Variants in AGBL1 observed in about 807,000 individuals in gnomAD.
AGBL1 encodes the protein cytosolic carboxypeptidase 4.
A neutral mutation model predicts 118.9 loss-of-function variants in AGBL1; 130 were observed. That is an observed-to-expected ratio of 1.09 (90% CI 0.95 to 1.26). The LOEUF is 1.26. Ranked by LOEUF, AGBL1 falls within the 50% of genes most tolerant of loss-of-function variation. The probability of loss-of-function intolerance (pLI) is 0.00; values close to 1 mark genes in which losing one functional copy is unlikely to be tolerated. For synonymous variants in AGBL1, 555 were observed against 478.9 expected (o/e 1.16, Z -2.08); for missense variants, 1,584 against 1,298.1 (o/e 1.22, Z -3.38).
At chr15:86,441,445 T>C (rs1054965500) in intron 18 of AGBL1, among the ~76,000 whole-genome samples, 3 of 152,200 alleles carry the variant, frequency 2.0e-5, no homozygotes, top group African/African-American at 4.8e-5. Flanking sequence ...AGAGCACACA[T>C]AGTGGACTGC....
At chr15:86,225,223 A>G (rs1202921974) in intron 6 of AGBL1, among the ~76,000 whole-genome samples, 1 of 151,928 alleles carries the variant, frequency 6.6e-6, no homozygotes, top group East Asian at 1.9e-4. Flanking sequence ...ATGGACCCTA[A>G]AGGGGGTATA....
At chr15:86,316,303 A>T (rs1597722690) in intron 17 of AGBL1, among the ~76,000 whole-genome samples, 1 of 152,176 alleles carries the variant, frequency 6.6e-6, no homozygotes, top group East Asian at 1.9e-4. Flanking sequence ...GCCCCAAATG[A>T]TTCCTTAGAA....
At chr15:86,202,210 T>G (rs1481018358) in intron 5 of AGBL1, among the ~76,000 whole-genome samples, 1 of 152,132 alleles carries the variant, frequency 6.6e-6, no homozygotes, top group Non-Finnish European at 1.5e-5. Context: ...GGAGAATCCC[T>G]TGAACCCAGG....
intron 24 of AGBL1, among the ~76,000 whole-genome samples, chr15:87,008,488 T>C (rs1375183190): frequency 6.6e-6 from 1 of 152,180 alleles, no homozygotes; most frequent in Non-Finnish European, 1.5e-5. Flanking sequence ...CTTTCCAGTC[T>C]CAGGGTATGA....
At chr15:86,480,132 T>A (rs1018807226) in intron 18 of AGBL1, among the ~76,000 whole-genome samples, 2 of 152,146 alleles carry the variant, frequency 1.3e-5, no homozygotes, top group Non-Finnish European at 2.9e-5. Flanking sequence ...ATATACCTAA[T>A]GTAAATGACA....
At chr15:86,189,807 T>C (rs1296623511) in intron 5 of AGBL1, among the ~76,000 whole-genome samples, 2 of 152,182 alleles carry the variant, frequency 1.3e-5, no homozygotes, top group Non-Finnish European at 2.9e-5. Flanking sequence ...CGTCTTCCTT[T>C]ATAGCAACAC....
Position 86,805,943 on chromosome 15 carries a change from A to T in AGBL1, c.3159-101144A>T, listed in dbSNP as rs192245599. Among the ~76,000 whole-genome samples the T allele has an allele frequency of 3.9e-5, 6 of 152,234 alleles. No homozygotes were observed. In the East Asian group the frequency reaches 9.7e-4, roughly 25 times the overall value. On this transcript the variant is annotated intron_variant, in intron 22 of 22. Coordinates refer to ENST00000614907, the MANE Select transcript of AGBL1 (RefSeq NM_001386094.1). ...ACAGTTAGAGCTCTGTAACAGCACAAACTCCAGAAAATACTAATGGGGTCT... is the reference window on the plus strand; with the variant it reads ...ACAGTTAGAGCTCTGTAACAGCACATACTCCAGAAAATACTAATGGGGTCT...
chr15:86,394,958 G>A (rs915985556), intron 17 of AGBL1, among the ~76,000 whole-genome samples: 17 of 152,162 alleles, frequency 1.1e-4, no homozygotes, highest in East Asian at 5.8e-4. Flanking sequence ...CAAAAATCAG[G>A]GTCCTGGTAA....
At chr15:86,227,878 C>A (rs923570206) in intron 6 of AGBL1, among the ~76,000 whole-genome samples, 18 of 152,154 alleles carry the variant, frequency 1.2e-4, no homozygotes, top group African/African-American at 3.9e-4. Flanking sequence ...ATGAGGAGGG[C>A]AAATAGATTT....
chr15:86,463,614 G>A (rs1180007222), intron 18 of AGBL1, among the ~76,000 whole-genome samples: 3 of 152,146 alleles, frequency 2.0e-5, no homozygotes, highest in Admixed American at 1.3e-4. Flanking sequence ...GTTAATTTTT[G>A]TATAAGTTGT....
chr15:86,558,893 CA>C (rs2083774772), intron 21 of AGBL1, among the ~76,000 whole-genome samples: 2 of 152,182 alleles, frequency 1.3e-5, no homozygotes, highest in Non-Finnish European at 2.9e-5. Flanking sequence ...CAGAATACCA[CA>C]ACTTGGATGG....
chr15:87,011,386 T>A (rs1482782277), intron 24 of AGBL1, among the ~76,000 whole-genome samples: 2 of 152,176 alleles, frequency 1.3e-5, no homozygotes, highest in Non-Finnish European at 2.9e-5. Context: ...GAAGCCAGCA[T>A]TATTTACAAG....
At chr15:86,595,638 A>G (rs184185690) in intron 21 of AGBL1, among the ~76,000 whole-genome samples, 2 of 152,278 alleles carry the variant, frequency 1.3e-5, no homozygotes, top group East Asian at 1.9e-4. Flanking sequence ...TTCTTGGACT[A>G]TAATCACCTG....
At chr15:86,546,955 A>G (rs2083592135) in intron 20 of AGBL1, among the ~76,000 whole-genome samples, 1 of 152,170 alleles carries the variant, frequency 6.6e-6, no homozygotes, top group Non-Finnish European at 1.5e-5. Flanking sequence ...CTATGTGCAA[A>G]ATAGCTTCAT....
intron 18 of AGBL1, among the ~76,000 whole-genome samples, chr15:86,501,073 C>G (rs572458422): frequency 2.0e-5 from 3 of 149,668 alleles, no homozygotes; most frequent in Non-Finnish European, 4.4e-5. Flanking sequence ...ATGTTTGACA[C>G]TTTAAGGAAC....
chr15:86,945,374 T>C (rs944267286), intron 23 of AGBL1, among the ~76,000 whole-genome samples: 5 of 151,384 alleles, frequency 3.3e-5, no homozygotes, highest in Non-Finnish European at 7.4e-5. Context: ...GTAGAAAAGA[T>C]AGTAAAAAAC....
chr15:86,803,287 A>T (rs1478403706), intron 22 of AGBL1, among the ~76,000 whole-genome samples: 7 of 152,124 alleles, frequency 4.6e-5, no homozygotes, highest in African/African-American at 1.7e-4. Context: ...TTTTACAAGC[A>T]TCTGGCATTT....
chr15:86,112,039 A>G (rs1744725351), intron 1 of AGBL1, among the ~76,000 whole-genome samples: 1 of 152,182 alleles, frequency 6.6e-6, no homozygotes, highest in Admixed American at 6.5e-5. Context: ...ACGACCCCAG[A>G]TGGAGATGTC....
chr15:86,801,883 C>T (rs577717904), intron 22 of AGBL1, among the ~76,000 whole-genome samples: 31 of 152,132 alleles, frequency 2.0e-4, no homozygotes, highest in Non-Finnish European at 4.3e-4. Flanking sequence ...CTGGAGCTCT[C>T]AGAGACTTAA....
Sources: allele counts gnomAD v4.1 joint callset (sites outside exome capture counted in the v4.1 genomes callset), GRCh38; gene constraint gnomAD v4.1.1; transcripts MANE v1.5; gene names NCBI Gene and HGNC (gene_info 2026-07-23, HGNC 2026-07-21).